The following PCDHGB6 variants were observed in gnomAD, a reference collection of about 807,000 sequenced individuals.
The protein encoded by PCDHGB6 is protocadherin gamma-B6.
PCDHGB6 carries 51 observed loss-of-function variants against 59.1 expected under a neutral mutation model. The observed-to-expected ratio is 0.86, with a 90% confidence interval of 0.69 to 1.09. The LOEUF (loss-of-function observed/expected upper bound fraction) is 1.09. Ranked by LOEUF, PCDHGB6 falls within the 50% of genes least tolerant of loss-of-function variation. The probability of loss-of-function intolerance (pLI) is 0.00; values close to 1 mark genes in which losing one functional copy is unlikely to be tolerated. For missense variants in PCDHGB6, 1,148 were observed against 1,205.1 expected, an observed-to-expected ratio of 0.95 and a Z score of 0.70; for synonymous variants, 466 against 495.1, an observed-to-expected ratio of 0.94 and a Z score of 0.78.
In PCDHGB6 at chr5:141,432,752, G is replaced by C. The variant is rs1407361813; in HGVS notation, c.2418+22132G>C. On this transcript the variant is annotated intron_variant, in intron 1 of 3. Coordinates refer to ENST00000520790, the MANE Select transcript of PCDHGB6 (RefSeq NM_018926.3). The surrounding 1 kb of genome is among the most constrained non-coding windows in gnomAD (Gnocchi z 6.0). Reference sequence around the variant, plus strand: ...CACTGTCACGCTCACCGTGGCCGTGGCCGACAGCATCCCCCAAGTCCTGGC... The same window carrying C: ...CACTGTCACGCTCACCGTGGCCGTGCCCGACAGCATCCCCCAAGTCCTGGC... 9.3e-6 allele frequency: 15 copies of C among 1,614,024 alleles called. No individual in the cohort carries two copies. The highest frequency in any genetic ancestry group is 1.3e-5 in the Non-Finnish European group (15 of 1,180,008).
chr5:141,410,822 A>T (rs2095425246), intron 1 of PCDHGB6: 1 of 461,414 alleles, frequency 2.2e-6, no homozygotes, highest in Non-Finnish European at 3.6e-6. Flanking sequence ...AAATAATGTC[A>T]CCAGACTGAA....
At position 141,489,385 on chromosome 5, in the gene PCDHGB6, G is replaced by C. The variant is rs893348832; in HGVS notation, c.2419-5422G>C. The stretch of plus-strand genomic sequence containing the variant: ...GCCGGGGACGCTGGTGGGGAATGTT[G>C]CTCAGGATCTGGGCTTAAAGATGAC... On this transcript the variant is annotated intron_variant, in intron 1 of 3. Transcript: ENST00000520790. This position sits in a 1 kb window ranked among gnomAD's most constrained non-coding sequence, Gnocchi z 4.5. The C allele has an allele frequency of 6.2e-7, 1 of 1,613,924 alleles. No individual in the cohort carries two copies. Among genetic ancestry groups the C allele is most frequent in the Non-Finnish European group, 8.5e-7 (1 of 1,179,896 alleles).
rs1245731818 is a variant in PCDHGB6, at chr5:141,476,700, A to C, written c.2419-18107A>C. 1 of 1,614,096 alleles carries C rather than the reference A, an allele frequency of 6.2e-7. No homozygotes were observed. Among genetic ancestry groups the C allele is most frequent in the Non-Finnish European group, 8.5e-7 (1 of 1,180,016 alleles). On this transcript the variant is annotated intron_variant, in intron 1 of 3. Coordinates refer to ENST00000520790, the MANE Select transcript of PCDHGB6 (RefSeq NM_018926.3). This position sits in a 1 kb window ranked among gnomAD's most constrained non-coding sequence, Gnocchi z 7.6. Reference sequence around the variant, plus strand: ...CGGGAGGACAGCACCAAGTACGCGGAGCTGGTGTTGGAGCGCGCCCTGGAC... The same window carrying C: ...CGGGAGGACAGCACCAAGTACGCGGCGCTGGTGTTGGAGCGCGCCCTGGAC...
chr5:141,418,478 G>C (rs777772131), intron 1 of PCDHGB6: 1 of 1,613,976 alleles, frequency 6.2e-7, no homozygotes, highest in Non-Finnish European at 8.5e-7. Context: ...AACGCAGAGC[G>C]CTCACCACTT....
intron 1 of PCDHGB6, chr5:141,421,806 A>C (rs1027166084): frequency 4.3e-6 from 7 of 1,613,724 alleles, no homozygotes; most frequent in Non-Finnish European, 5.1e-6. Flanking sequence ...CCAAGAATCC[A>C]GAGCTAGTAC....
At chr5:141,417,784 G>T in intron 1 of PCDHGB6, 2 of 1,474,908 alleles carry the variant, frequency 1.4e-6, no homozygotes, top group Non-Finnish European at 9.0e-7. Context: ...GTCCTGGGCC[G>T]AATGCTCTTT....
intron 2 of PCDHGB6, among the ~76,000 whole-genome samples, chr5:141,504,689 G>A (rs1395389800): frequency 6.6e-6 from 1 of 151,502 alleles, no homozygotes; most frequent in South Asian, 2.1e-4. Context: ...TAAAATAGGA[G>A]GGGCAGGTTC....
At position 141,485,727 on chromosome 5, in the gene PCDHGB6, G is replaced by T. The variant is rs773176318; in HGVS notation, c.2419-9080G>T. The T allele has an allele frequency of 3.1e-6, 5 of 1,614,196 alleles. No homozygotes were observed. In the Admixed American group the frequency reaches 5.0e-5, roughly 16 times the overall value. Reference sequence around the variant, plus strand: ...CACTTTGCACTGGATGTGAAGAAGCGCAGCGACGGCAGCCTGGTCCCAGAG... The same window carrying T: ...CACTTTGCACTGGATGTGAAGAAGCTCAGCGACGGCAGCCTGGTCCCAGAG... On this transcript the variant is annotated intron_variant, in intron 1 of 3. Transcript: ENST00000520790. The surrounding 1 kb of genome is among the most constrained non-coding windows in gnomAD (Gnocchi z 5.7).
chr5:141,420,795 A>G (rs1046945975), intron 1 of PCDHGB6, among the ~76,000 whole-genome samples: 1 of 152,260 alleles, frequency 6.6e-6, no homozygotes, highest in Non-Finnish European at 1.5e-5. Flanking sequence ...AAAACTTTTT[A>G]AAAATTAAGC....
chr5:141,433,939 A>T (rs1015984226), intron 1 of PCDHGB6, among the ~76,000 whole-genome samples: 2 of 151,714 alleles, frequency 1.3e-5, no homozygotes, highest in Non-Finnish European at 2.9e-5. Context: ...TTATAATTCC[A>T]TTGTTTCTTC....
intron 1 of PCDHGB6, among the ~76,000 whole-genome samples, chr5:141,474,193 A>C (rs2099345142): frequency 6.6e-6 from 1 of 152,256 alleles, no homozygotes. Context: ...TACATTTTTA[A>C]AAGCTGATTT....
At chr5:141,423,107 T>G (rs1590430250) in intron 1 of PCDHGB6, 1 of 1,613,696 alleles carries the variant, frequency 6.2e-7, no homozygotes, top group East Asian at 2.2e-5. Flanking sequence ...ACGGGCGAGG[T>G]GCGTACAGCG....
chr5:141,462,209 C>T (rs1158675305), intron 1 of PCDHGB6, among the ~76,000 whole-genome samples: 6 of 152,172 alleles, frequency 3.9e-5, no homozygotes, highest in Non-Finnish European at 8.8e-5. Flanking sequence ...ATCCGCCTGC[C>T]TCGGCCTCCC....
intron 1 of PCDHGB6, chr5:141,418,292 T>A: frequency 6.2e-7 from 1 of 1,613,988 alleles, no homozygotes. Context: ...AATCAGTGAA[T>A]CCGTCAGCCT....
rs764957747 is a variant in PCDHGB6, at chr5:141,505,453, G to A, written c.2538G>A (p.Leu846=). Residue 846 remains leucine (L), a synonymous_variant, in exon 3 of 4, where the codon CTG becomes CTA. Coordinates refer to ENST00000520790, the MANE Select transcript of PCDHGB6 (RefSeq NM_018926.3). ...ACAACCAGTTTGACACAGAGATGCT[G>A]CAAGCCATGATCTTGGCGTCCGCCA... ...WPNNQFDTEM[L]QAMILASASE... 3 of 1,614,190 alleles carry A rather than the reference G, an allele frequency of 1.9e-6. No individual in the cohort carries two copies. Among genetic ancestry groups the A allele is most frequent in the Non-Finnish European group, 2.5e-6 (3 of 1,180,012 alleles).
chr5:141,506,444 CAAAAA>C (rs1219684339), intron 3 of PCDHGB6, among the ~76,000 whole-genome samples: 4 of 95,024 alleles, frequency 4.2e-5, no homozygotes, highest in Admixed American at 1.1e-4. Flanking sequence ...CGCTCTGTCT[CAAAAA>C]AAAAAAAAAA....
chr5:141,429,861 A>C (rs1483953460), intron 1 of PCDHGB6, among the ~76,000 whole-genome samples: 1 of 152,226 alleles, frequency 6.6e-6, no homozygotes, highest in Non-Finnish European at 1.5e-5. Flanking sequence ...TCTTTGGACT[A>C]CCAATTTTCT....
chr5:141,422,276 T>G, intron 1 of PCDHGB6: 3 of 1,558,820 alleles, frequency 1.9e-6, no homozygotes, highest in South Asian at 1.3e-5. Context: ...GAAATAACTA[T>G]CACCTCTTCT....
intron 1 of PCDHGB6, chr5:141,427,927 T>C (rs1238523389): frequency 6.3e-7 from 1 of 1,580,112 alleles, no homozygotes; most frequent in Non-Finnish European, 8.7e-7. Context: ...AGCCGGCGCA[T>C]GTTGGTGGGC....
Sources: gnomAD v4.1 joint callset for allele counts (sites outside exome capture counted in the v4.1 genomes callset) on GRCh38, gnomAD v4.1.1 for gene constraint, Gnocchi (gnomAD v3.1) non-coding constraint, MANE v1.5 for transcripts, NCBI Gene and HGNC (gene_info 2026-07-23, HGNC 2026-07-21) for gene names.